The following SLC5A1 variants were observed in gnomAD, a reference collection of about 807,000 sequenced individuals.
The protein encoded by SLC5A1 is sodium/glucose cotransporter 1.
SLC5A1 carries 42 observed loss-of-function variants against 73.5 expected under a neutral mutation model. That is an observed-to-expected ratio of 0.57 (90% CI 0.45 to 0.74). The LOEUF (loss-of-function observed/expected upper bound fraction) is 0.74. SLC5A1 is among the 30% of genes least tolerant of loss of function. The pLI is 0.00. For synonymous variants in SLC5A1, 300 were observed against 317.4 expected (o/e 0.95, Z 0.58); for missense variants, 634 against 855.4 (o/e 0.74, Z 3.23).
In SLC5A1 at chr22:32,043,556, C is replaced by G; in HGVS notation, c.135+140C>G. On this transcript the variant is annotated intron_variant, in intron 1 of 14. Coordinates refer to ENST00000266088, the MANE Select transcript of SLC5A1 (RefSeq NM_000343.4). This position sits in a 1 kb window ranked among gnomAD's most constrained non-coding sequence, Gnocchi z 6.5. ...GACTTGGAAGCACTTTAGAAGCACTCAGAGGCACAGCATGAAGGGAGGAGG... is the reference window on the plus strand; with the variant it reads ...GACTTGGAAGCACTTTAGAAGCACTGAGAGGCACAGCATGAAGGGAGGAGG... 1.1e-6 allele frequency: 1 copy of G among 899,218 alleles called. No homozygotes were observed. The highest frequency in any genetic ancestry group is 2.3e-4 in the Middle Eastern group (1 of 4,286). 55.7% of individuals were successfully genotyped at this position (899,218 alleles called of 1,614,324 possible).
intron 5 of SLC5A1, among the ~76,000 whole-genome samples, chr22:32,072,132 G>A (rs1161051231): frequency 6.6e-6 from 1 of 151,934 alleles, no homozygotes; most frequent in Non-Finnish European, 1.5e-5. Context: ...TGCATGTCAC[G>A]GGAGTTTGGT....
At chr22:32,083,255 C>A in intron 7 of SLC5A1, 101 bp downstream of exon 7, 3 of 967,014 alleles carry the variant, frequency 3.1e-6, no homozygotes, top group South Asian at 1.4e-5. Context: ...CCAGACTAGG[C>A]AGTGAGCTGA....
At chr22:32,101,271 T>G (rs1354862074) in intron 12 of SLC5A1, among the ~76,000 whole-genome samples, 1 of 151,318 alleles carries the variant, frequency 6.6e-6, no homozygotes, top group African/African-American at 2.4e-5. Context: ...TCAAACCTAG[T>G]CCTTTAGGTG....
chr22:32,108,823 G>A (rs570269813), intron 14 of SLC5A1, among the ~76,000 whole-genome samples: 2 of 152,154 alleles, frequency 1.3e-5, no homozygotes, highest in African/African-American at 2.4e-5. Flanking sequence ...ATTCTGACTC[G>A]TGTGAACTTG....
chr22:32,084,741 T>C (rs113834166), intron 8 of SLC5A1, 82 bp downstream of exon 8: 23 of 1,518,742 alleles, frequency 1.5e-5, no homozygotes, highest in Non-Finnish European at 2.0e-5. Context: ...GTTTGCAGGG[T>C]TGGGACAGGG....
intron 1 of SLC5A1, among the ~76,000 whole-genome samples, chr22:32,045,036 G>T (rs1281897277): frequency 6.6e-6 from 1 of 152,282 alleles, no homozygotes; most frequent in Non-Finnish European, 1.5e-5. Context: ...GTTGTGATTT[G>T]TCTAAGGTTA....
chr22:32,085,167 G>A, intron 9 of SLC5A1, 132 bp downstream of exon 9: 2 of 1,069,986 alleles, frequency 1.9e-6, no homozygotes, highest in Non-Finnish European at 2.9e-6. Flanking sequence ...CCAGGCTGGA[G>A]TGCAGTGGTG....
chr22:32,110,466 A>C lies in SLC5A1; in HGVS notation c.*253A>C, dbSNP rs2094054575. 1.9e-6 allele frequency: 1 copy of C among 534,348 alleles called. No individual in the cohort carries two copies. Among genetic ancestry groups the C allele is most frequent in the Non-Finnish European group, 3.4e-6 (1 of 294,902 alleles). 33.1% of individuals were successfully genotyped at this position (534,348 alleles called of 1,614,324 possible). On this transcript the variant is annotated 3_prime_UTR_variant, in exon 15 of 15. Transcript: ENST00000266088. ...GGGAAGTCCACTCAGTCACATCCAG[A>C]AAAAGGCAGACTAAGAATCAGAAGC... is the stretch of plus-strand genomic sequence containing the variant.
chr22:32,101,804 G>A (rs1301916783), intron 12 of SLC5A1, among the ~76,000 whole-genome samples: 2 of 152,038 alleles, frequency 1.3e-5, no homozygotes, highest in Non-Finnish European at 2.9e-5. Flanking sequence ...AAATCATGTT[G>A]CTGAAACATG....
intron 2 of SLC5A1, among the ~76,000 whole-genome samples, chr22:32,051,580 G>C (rs2093945134): frequency 6.6e-6 from 1 of 152,058 alleles, no homozygotes; most frequent in Non-Finnish European, 1.5e-5. Context: ...CGCTTGATCT[G>C]GGAAGGTGAA....
At chr22:32,088,020 C>T (rs577921545) in intron 10 of SLC5A1, among the ~76,000 whole-genome samples, 70 of 152,252 alleles carry the variant, frequency 4.6e-4, no homozygotes, top group African/African-American at 1.6e-3. Flanking sequence ...AAACCATTTG[C>T]ATTCAAATTA....
chr22:32,083,915 C>A (rs1371205645), intron 7 of SLC5A1, among the ~76,000 whole-genome samples: 1 of 152,212 alleles, frequency 6.6e-6, no homozygotes, highest in Non-Finnish European at 1.5e-5. Context: ...TATTCAAGGA[C>A]ACACAATTGA....
chr22:32,104,408 A>C (rs570317760), intron 13 of SLC5A1, among the ~76,000 whole-genome samples: 1 of 152,330 alleles, frequency 6.6e-6, no homozygotes, highest in East Asian at 1.9e-4. Flanking sequence ...GACATAGTGC[A>C]AAAATCTGAA....
intron 3 of SLC5A1, among the ~76,000 whole-genome samples, chr22:32,067,490 C>T (rs970456981): frequency 7.2e-5 from 11 of 151,800 alleles, no homozygotes; most frequent in African/African-American, 2.7e-4. Context: ...TCCCACCTCA[C>T]TCTCCCAAGT....
At chr22:32,096,378 C>T (rs1008086445) in intron 11 of SLC5A1, among the ~76,000 whole-genome samples, 1 of 152,130 alleles carries the variant, frequency 6.6e-6, no homozygotes, top group Non-Finnish European at 1.5e-5. Context: ...GAATCTGCAG[C>T]CAACTGAGCC....
chr22:32,049,906 T>C lies in SLC5A1; in HGVS notation c.136-37T>C, dbSNP rs33985344. 2,296 of 1,572,294 alleles carry C rather than the reference T, an allele frequency of 1.5e-3. 37 individuals carry two copies. The African/African-American group carries it at 0.028, about 19-fold the overall frequency. On this transcript the variant is annotated intron_variant, in intron 1 of 14. Coordinates refer to ENST00000266088, the MANE Select transcript of SLC5A1 (RefSeq NM_000343.4). ...CTTTTGGCTGGCAAGGCCACTCTTC[T>C]AGTTTTCGATTACATTTTTGACCCT...
At chr22:32,089,310 A>C (rs1390105580) in intron 10 of SLC5A1, among the ~76,000 whole-genome samples, 1 of 152,206 alleles carries the variant, frequency 6.6e-6, no homozygotes, top group Non-Finnish European at 1.5e-5. Flanking sequence ...ACAAATGACA[A>C]AATAATTAGA....
At chr22:32,056,809 G>A (rs144961005) in intron 2 of SLC5A1, among the ~76,000 whole-genome samples, 1,535 of 152,262 alleles carry the variant, frequency 0.01, 5 homozygotes, top group Non-Finnish European at 0.015. Flanking sequence ...TTTCCATTTG[G>A]GCTATGATGA....
chr22:32,048,306 TGCTGGAGGACTGGCCCTG>T (rs1329103587), intron 1 of SLC5A1, among the ~76,000 whole-genome samples: 1 of 152,210 alleles, frequency 6.6e-6, no homozygotes, highest in Non-Finnish European at 1.5e-5. Context: ...CCCCATTTTC[TGCTGGAGGACTGGCCCTG>T]GGCTTGAGCT....
Sources: allele counts gnomAD v4.1 joint callset (sites outside exome capture counted in the v4.1 genomes callset), GRCh38; gene constraint gnomAD v4.1.1; non-coding constraint Gnocchi (gnomAD v3.1); transcripts MANE v1.5; gene names NCBI Gene and HGNC (gene_info 2026-07-23, HGNC 2026-07-21).